The following PFKP variants were observed in gnomAD, a reference collection of about 807,000 sequenced individuals.
The protein encoded by PFKP is ATP-dependent 6-phosphofructokinase, platelet type.
A neutral mutation model predicts 94.3 loss-of-function variants in PFKP; 101 were observed. The ratio of observed to expected loss-of-function variants is 1.07; its 90% CI spans 0.91 to 1.26. The LOEUF (loss-of-function observed/expected upper bound fraction) is 1.26. Ranked by LOEUF, PFKP falls within the 50% of genes most tolerant of loss-of-function variation. The pLI is 0.00. For synonymous variants in PFKP, 573 were observed against 432.6 expected (o/e 1.32, Z -4.03); for missense variants, 1,145 against 1,103.3 (o/e 1.04, Z -0.53).
chr10:3,093,428 A>G (rs1834213360), intron 2 of PFKP, among the ~76,000 whole-genome samples: 1 of 152,114 alleles, frequency 6.6e-6, no homozygotes, highest in Non-Finnish European at 1.5e-5. Context: ...GCAGTTTCTT[A>G]CGTGTAGCTG....
At chr10:3,068,861 G>C (rs960363036) in intron 1 of PFKP, 11 of 259,858 alleles carry the variant, frequency 4.2e-5, no homozygotes, top group Non-Finnish European at 6.0e-5. Flanking sequence ...TCCTGCCGCA[G>C]ATGCGTGGAA....
chr10:3,068,697 C>A lies in PFKP; in HGVS notation c.112+990C>A, dbSNP rs191562565. ...AGGCCCCGGGTGCACGTGGGGGCGC[C>A]GGTGCCCGGATGATGGAGTGTCCCG... On this transcript the variant is annotated intron_variant, in intron 1 of 21. Transcript: ENST00000381125. 3.0e-6 allele frequency: 3 copies of A among 985,098 alleles called. No homozygotes were observed. In the African/African-American group the frequency reaches 5.2e-5, roughly 17 times the overall value. The allele number at this position is 985,098 out of a possible 1,614,324, so 61.0% of individuals were successfully genotyped here.
At chr10:3,121,320 T>A (rs9423684) in intron 16 of PFKP, among the ~76,000 whole-genome samples, 6 of 152,190 alleles carry the variant, frequency 3.9e-5, no homozygotes, top group East Asian at 3.9e-4. Flanking sequence ...GCTCTGGACC[T>A]ACCTTCGCAC....
intron 2 of PFKP, among the ~76,000 whole-genome samples, chr10:3,083,512 A>G (rs994903353): frequency 1.3e-5 from 2 of 152,212 alleles, no homozygotes; most frequent in African/African-American, 4.8e-5. Context: ...AGTATGACGT[A>G]TGTAAAACAC....
At chr10:3,110,272 C>T (rs1588494526) in intron 10 of PFKP, among the ~76,000 whole-genome samples, 1 of 152,004 alleles carries the variant, frequency 6.6e-6, no homozygotes, top group East Asian at 1.9e-4. Context: ...GATCTTGGCT[C>T]ACTGCAAGCT....
chr10:3,069,294 A>G (rs1832002472), intron 1 of PFKP: 2 of 1,517,216 alleles, frequency 1.3e-6, no homozygotes, highest in Non-Finnish European at 1.8e-6. Context: ...TCAGAGAAAG[A>G]AAACGTGATG....
At chr10:3,098,725 C>G (rs960448064) in intron 2 of PFKP, among the ~76,000 whole-genome samples, 109 of 149,978 alleles carry the variant, frequency 7.3e-4, no homozygotes, top group African/African-American at 2.6e-3. Context: ...ATCAATGTGT[C>G]CTCACATATT....
intron 2 of PFKP, among the ~76,000 whole-genome samples, chr10:3,095,220 C>T (rs572032750): frequency 6.6e-6 from 1 of 152,282 alleles, no homozygotes; most frequent in South Asian, 2.1e-4. Flanking sequence ...ACATATGAGA[C>T]GTCCGAGAAA....
intron 10 of PFKP, among the ~76,000 whole-genome samples, chr10:3,111,144 C>A (rs1399477611): frequency 3.3e-5 from 5 of 150,166 alleles, no homozygotes; most frequent in Non-Finnish European, 7.4e-5. Flanking sequence ...GTGTGCATGT[C>A]TGTGTGTGCA....
At chr10:3,120,369 C>CTGTGTGTGTG (rs3841457) in intron 16 of PFKP, among the ~76,000 whole-genome samples, 253 of 108,580 alleles carry the variant, frequency 2.3e-3, no homozygotes, top group African/African-American at 6.6e-3. Flanking sequence ...TTAAAAATCG[C>CTGTGTGTGTG]TGTGTGTGTG....
chr10:3,081,473 A>G (rs373242745), intron 1 of PFKP, among the ~76,000 whole-genome samples: 2 of 152,350 alleles, frequency 1.3e-5, no homozygotes, highest in African/African-American at 4.8e-5. Context: ...TGGTGCTCTC[A>G]GGTGTGTTTG....
chr10:3,119,746 CTG>C (rs1006000320), intron 15 of PFKP, 144 bp from the exon 16 acceptor site: 8 of 637,114 alleles, frequency 1.3e-5, no homozygotes, highest in South Asian at 1.9e-5. Context: ...CTTAAGGCAA[CTG>C]TGTGTTGATC....
chr10:3,079,941 G>A (rs937377673), intron 1 of PFKP, among the ~76,000 whole-genome samples: 2 of 150,900 alleles, frequency 1.3e-5, no homozygotes, highest in African/African-American at 2.4e-5. Flanking sequence ...AGGAATAAAT[G>A]GAATCAGGTG....
At position 3,136,709 on chromosome 10, in the gene PFKP, C is replaced by A; in HGVS notation, c.*130C>A. On this transcript the variant is annotated 3_prime_UTR_variant, in exon 22 of 22. Transcript: ENST00000381125. ...CTAATCGGCGAGTGCCCATCTGCCC[C>A]ACCTGCTCCAGTGCGTGCTGTCTGT... 1.1e-6 allele frequency: 1 copy of A among 918,054 alleles called. No homozygotes were observed. Among genetic ancestry groups the A allele is most frequent in the Admixed American group, 2.2e-5 (1 of 45,854 alleles). The allele number at this position is 918,054 out of a possible 1,614,324, so 56.9% of individuals were successfully genotyped here.
chr10:3,081,141 C>G (rs530061342), intron 1 of PFKP, among the ~76,000 whole-genome samples: 1 of 152,168 alleles, frequency 6.6e-6, no homozygotes, highest in Non-Finnish European at 1.5e-5. Context: ...AGTAAACATG[C>G]ATTTACCTCT....
At chr10:3,084,492 TG>T (rs1833334052) in intron 2 of PFKP, among the ~76,000 whole-genome samples, 2 of 152,206 alleles carry the variant, frequency 1.3e-5, no homozygotes, top group African/African-American at 2.4e-5. Flanking sequence ...ACGTGGTTAT[TG>T]TTTGTATTTA....
intron 2 of PFKP, among the ~76,000 whole-genome samples, chr10:3,097,116 G>C (rs534474021): frequency 6.7e-6 from 1 of 149,154 alleles, no homozygotes; most frequent in Non-Finnish European, 1.5e-5. Context: ...AGTTTGGGGT[G>C]GTAGAGATCA....
At chr10:3,101,080 A>G (rs1031821046) in intron 3 of PFKP, 4 of 1,169,186 alleles carry the variant, frequency 3.4e-6, no homozygotes, top group Non-Finnish European at 5.1e-6. Context: ...GTGACACCGC[A>G]GGCTGGTTCC....
chr10:3,132,978 A>G (rs1486634623), intron 18 of PFKP, among the ~76,000 whole-genome samples: 1 of 152,186 alleles, frequency 6.6e-6, no homozygotes, highest in East Asian at 1.9e-4. Flanking sequence ...TTACATATTT[A>G]TTTCTGGAAT....
Sources: allele counts gnomAD v4.1 joint callset (sites outside exome capture counted in the v4.1 genomes callset), GRCh38; gene constraint gnomAD v4.1.1; transcripts MANE v1.5; gene names NCBI Gene and HGNC (gene_info 2026-07-23, HGNC 2026-07-21).